FNDC3B: variants seen among roughly 807,000 people sequenced by gnomAD.
The protein encoded by FNDC3B is fibronectin type III domain-containing protein 3B.
A neutral mutation model predicts 151.5 loss-of-function variants in FNDC3B; 12 were observed. That is an observed-to-expected ratio of 0.08 (90% CI 0.05 to 0.13). The LOEUF (loss-of-function observed/expected upper bound fraction) is 0.13. Ranked by LOEUF, FNDC3B falls within the 10% of genes least tolerant of loss-of-function variation. The pLI is 1.00. For missense variants in FNDC3B, 1,214 were observed against 1,505.3 expected, an observed-to-expected ratio of 0.81 and a Z score of 3.20; for synonymous variants, 528 against 549.0, an observed-to-expected ratio of 0.96 and a Z score of 0.54.
chr3:172,381,425 C>T (rs915544759), intron 25 of FNDC3B, among the ~76,000 whole-genome samples: 2 of 151,000 alleles, frequency 1.3e-5, no homozygotes, highest in Non-Finnish European at 2.9e-5. Context: ...TGTGATTTTA[C>T]TATAGAGGGA....
chr3:172,277,816 C>T (rs1435977387), intron 6 of FNDC3B, among the ~76,000 whole-genome samples: 1 of 152,116 alleles, frequency 6.6e-6, no homozygotes, highest in East Asian at 1.9e-4. Flanking sequence ...TAGTCCTTAC[C>T]CTTCCCTTTT....
chr3:172,390,819 G>A (rs1576972367), intron 25 of FNDC3B, among the ~76,000 whole-genome samples: 1 of 152,202 alleles, frequency 6.6e-6, no homozygotes, highest in East Asian at 1.9e-4. Flanking sequence ...GTCTTTGCTT[G>A]GCAGAAACTG....
intron 1 of FNDC3B, among the ~76,000 whole-genome samples, chr3:172,050,880 G>A (rs918175482): frequency 6.6e-6 from 1 of 151,850 alleles, no homozygotes; most frequent in Non-Finnish European, 1.5e-5. Context: ...TTTCTCTGGC[G>A]GTAGGATCAT....
intron 1 of FNDC3B, among the ~76,000 whole-genome samples, chr3:172,092,803 A>G (rs1244482912): frequency 6.6e-6 from 1 of 152,080 alleles, no homozygotes; most frequent in Non-Finnish European, 1.5e-5. Context: ...TAGGAAATAC[A>G]TTAGATTTTT....
At chr3:172,102,860 C>G (rs529309183) in intron 1 of FNDC3B, among the ~76,000 whole-genome samples, 1 of 152,324 alleles carries the variant, frequency 6.6e-6, no homozygotes, top group Admixed American at 6.5e-5. Context: ...AGACTTTTCT[C>G]TCACTGTCTT....
chr3:172,368,797 G>A (rs1396555019), intron 23 of FNDC3B, among the ~76,000 whole-genome samples: 2 of 152,188 alleles, frequency 1.3e-5, no homozygotes, highest in East Asian at 3.9e-4. Context: ...CGTCACCTGA[G>A]GTTAGGAGTT....
chr3:172,388,887 C>T (rs948893091), intron 25 of FNDC3B, among the ~76,000 whole-genome samples: 2 of 152,180 alleles, frequency 1.3e-5, no homozygotes, highest in Admixed American at 1.3e-4. Context: ...GTTGACATTT[C>T]TTAGATGCCT....
intron 4 of FNDC3B, among the ~76,000 whole-genome samples, chr3:172,232,372 A>G (rs562697557): frequency 1.3e-5 from 2 of 152,392 alleles, no homozygotes; most frequent in African/African-American, 4.8e-5. Flanking sequence ...AATGTCAGTA[A>G]TAAGCAGATA....
intron 1 of FNDC3B, among the ~76,000 whole-genome samples, chr3:172,054,957 A>G (rs745310727): frequency 1.6e-4 from 24 of 152,254 alleles, no homozygotes; most frequent in South Asian, 4.1e-4. Context: ...TTAAGCATCT[A>G]TCAAAGGAGG....
intron 3 of FNDC3B, among the ~76,000 whole-genome samples, chr3:172,149,926 C>T (rs996231297): frequency 2.0e-5 from 3 of 146,702 alleles, no homozygotes; most frequent in African/African-American, 7.6e-5. Flanking sequence ...TCAAGCGATT[C>T]TCGAGCCTCA....
intron 22 of FNDC3B, among the ~76,000 whole-genome samples, chr3:172,354,502 A>AT (rs965198137): frequency 0.015 from 2,205 of 150,968 alleles, 45 homozygotes; most frequent in Middle Eastern, 0.059. Flanking sequence ...CAATAAAAAA[A>AT]AATAATAATA....
intron 22 of FNDC3B, 134 bp downstream of exon 22, chr3:172,353,217 T>C (rs1733942399): frequency 5.9e-6 from 5 of 851,018 alleles, no homozygotes; most frequent in Middle Eastern, 7.1e-4. Context: ...GAGTATTGTC[T>C]CACCTTGATC....
chr3:172,394,087 G>A (rs1156463999), intron 25 of FNDC3B, among the ~76,000 whole-genome samples: 1 of 109,154 alleles, frequency 9.2e-6, no homozygotes, highest in African/African-American at 3.4e-5. Context: ...TAGCCTGGGT[G>A]ACAGAGTGAG....
chr3:172,041,491 CTT>C lies in FNDC3B; in HGVS notation c.-29+1733_-29+1734del, dbSNP rs10576188. ...CCTCCTTCTTGTTCTTGTTCTTCTT[CTT>C]TTTTTTTTTTTTAAATAAATGTGGC... On this transcript the variant is annotated intron_variant, in intron 1 of 25. Transcript: ENST00000415807. Among the ~76,000 whole-genome samples the C allele has an allele frequency of 2.8e-3, 385 of 136,082 alleles. 3 individuals are homozygous for C. Among genetic ancestry groups the C allele is most frequent in the African/African-American group, 6.6e-3 (241 of 36,370 alleles). The allele number at this position is 136,082 out of a possible 152,430, so 89.3% of individuals were successfully genotyped here.
chr3:172,086,625 A>T (rs1718559560), intron 1 of FNDC3B, among the ~76,000 whole-genome samples: 1 of 152,310 alleles, frequency 6.6e-6, no homozygotes. Flanking sequence ...AACATTTCTT[A>T]TTTTCATATA....
intron 7 of FNDC3B, among the ~76,000 whole-genome samples, chr3:172,286,983 A>G (rs757962309): frequency 6.6e-6 from 1 of 152,200 alleles, no homozygotes; most frequent in Non-Finnish European, 1.5e-5. Flanking sequence ...GGGGACAGAT[A>G]CAAGAGCCAT....
intron 6 of FNDC3B, among the ~76,000 whole-genome samples, chr3:172,254,312 T>C (rs575883472): frequency 6.6e-6 from 1 of 152,196 alleles, no homozygotes; most frequent in Non-Finnish European, 1.5e-5. Flanking sequence ...ATGGACTCCA[T>C]TTTAGACCTA....
At chr3:172,119,405 A>G (rs1269242520) in intron 2 of FNDC3B, among the ~76,000 whole-genome samples, 1 of 148,624 alleles carries the variant, frequency 6.7e-6, no homozygotes, top group Non-Finnish European at 1.5e-5. Context: ...AAAAGGCTGT[A>G]TTTACACATA....
At chr3:172,225,255 C>T (rs1475115145) in intron 3 of FNDC3B, among the ~76,000 whole-genome samples, 1 of 152,176 alleles carries the variant, frequency 6.6e-6, no homozygotes, top group Non-Finnish European at 1.5e-5. Flanking sequence ...CTCACTGCAG[C>T]CTCGACCTCC....
Sources: gnomAD v4.1 joint callset for allele counts (sites outside exome capture counted in the v4.1 genomes callset) on GRCh38, gnomAD v4.1.1 for gene constraint, MANE v1.5 for transcripts, NCBI Gene and HGNC (gene_info 2026-07-23, HGNC 2026-07-21) for gene names.